GARIN5B: variants seen among roughly 807,000 people sequenced by gnomAD.
GARIN5B encodes the protein golgi associated RAB2 interactor family member 5B, also known as Golgi-associated RAB2 interactor protein 5B.
the GARIN5B span, chr19:55,358,562 T>G: frequency 1.3e-6 from 2 of 1,549,470 alleles, no homozygotes; most frequent in South Asian, 2.4e-5. Flanking sequence ...CCATGGCCGC[T>G]TGCCCTCCTT....
At chr19:55,357,473 G>A in the GARIN5B span, among the ~76,000 whole-genome samples, 1 of 152,216 alleles carries the variant, frequency 6.6e-6, no homozygotes, top group African/African-American at 2.4e-5. Context: ...AGGGACTGCA[G>A]TGGCTGTTCC....
At chr19:55,361,374 A>G in the GARIN5B span, 3 of 1,536,382 alleles carry the variant, frequency 2.0e-6, no homozygotes, top group East Asian at 2.5e-5. Context: ...GACGGGGAGA[A>G]CCCAGAGGTC....
chr19:55,361,430 T>C, the GARIN5B span: 14 of 1,512,776 alleles, frequency 9.3e-6, no homozygotes, highest in Non-Finnish European at 1.2e-5. Context: ...GCTGATGGGC[T>C]GGTCCTGCAG....
the GARIN5B span, chr19:55,361,466 G>A: frequency 1.4e-5 from 21 of 1,466,078 alleles, no homozygotes; most frequent in East Asian, 2.5e-5. Context: ...GGAGGGGCCC[G>A]GGCTTCCACA....
the GARIN5B span, chr19:55,359,857 C>T: frequency 5.2e-6 from 8 of 1,551,396 alleles, no homozygotes; most frequent in African/African-American, 2.7e-5. Context: ...GCCACAGGCA[C>T]GGGTCCAGGG....
At chr19:55,362,252 TGCCAGGTGGAGGCAGGCGCTTCG>T in the GARIN5B span, 2 of 1,533,206 alleles carry the variant, frequency 1.3e-6, no homozygotes, top group Non-Finnish European at 1.8e-6. Flanking sequence ...CACCTGCAGG[TGCCAGGTGGAGGCAGGCGCTTCG>T]GCCAGCGGCA....
At chr19:55,359,545 C>T in the GARIN5B span, 2 of 1,551,398 alleles carry the variant, frequency 1.3e-6, no homozygotes, top group Non-Finnish European at 1.7e-6. Flanking sequence ...CAGCTGGGGC[C>T]TTCTGGGGAG....
chr19:55,363,006 G>A, the GARIN5B span: 1 of 1,488,394 alleles, frequency 6.7e-7, no homozygotes, highest in African/African-American at 1.4e-5. The surrounding 1 kb of genome is among the most constrained non-coding windows in gnomAD (Gnocchi z 4.0). Flanking sequence ...CCCAGAACAG[G>A]GACCCACTTC....
At chr19:55,357,453 C>T in the GARIN5B span, among the ~76,000 whole-genome samples, 1 of 152,224 alleles carries the variant, frequency 6.6e-6, no homozygotes, top group Admixed American at 6.5e-5. Flanking sequence ...ATTACAAACA[C>T]TCCTGCCTCA....
At chr19:55,358,083 G>A in the GARIN5B span, 1 of 1,274,318 alleles carries the variant, frequency 7.8e-7, no homozygotes, top group Non-Finnish European at 1.0e-6. Flanking sequence ...AGGAAAGAGT[G>A]ATCATCTCTG....
the GARIN5B span, chr19:55,359,723 C>T: frequency 6.4e-7 from 1 of 1,551,454 alleles, no homozygotes; most frequent in Non-Finnish European, 8.7e-7. Flanking sequence ...GGCCTTTTCC[C>T]TGCCCCTGGG....
At chr19:55,358,523 TCGC>T in the GARIN5B span, 14 of 31,696 alleles carry the variant, frequency 4.4e-4, no homozygotes, top group Non-Finnish European at 6.2e-4. Context: ...CTCCTTCATC[TCGC>T]CCCATGGCTG....
chr19:55,358,984 G>A, the GARIN5B span: 12 of 1,551,028 alleles, frequency 7.7e-6, no homozygotes, highest in East Asian at 1.2e-4. Context: ...TCACCTCCTT[G>A]GTTTGGCTAA....
chr19:55,357,819 C>T, the GARIN5B span, among the ~76,000 whole-genome samples: 15 of 152,118 alleles, frequency 9.9e-5, no homozygotes, highest in South Asian at 8.3e-4. Flanking sequence ...TTTGGGAGGC[C>T]GAGGCGGGTG....
chr19:55,357,254 C>T, the GARIN5B span, among the ~76,000 whole-genome samples: 1 of 152,188 alleles, frequency 6.6e-6, no homozygotes, highest in Non-Finnish European at 1.5e-5. Flanking sequence ...CTACATCCTC[C>T]ATGCCCCAGC....
the GARIN5B span, chr19:55,358,718 A>G: frequency 6.5e-7 from 1 of 1,550,312 alleles, no homozygotes; most frequent in Non-Finnish European, 8.7e-7. Context: ...GGGAAGTGAG[A>G]CCAAAGCGGA....
the GARIN5B span, chr19:55,360,715 T>C: frequency 6.4e-6 from 10 of 1,551,638 alleles, no homozygotes; most frequent in African/African-American, 1.4e-5. Flanking sequence ...CTGTGTCTGG[T>C]TGGCGGTGCT....
At chr19:55,359,090 C>T in the GARIN5B span, 76 of 1,551,080 alleles carry the variant, frequency 4.9e-5, no homozygotes, top group Non-Finnish European at 4.7e-5. Flanking sequence ...CTCCTGGGTG[C>T]GCACCGTCAC....
At chr19:55,360,958 C>G in the GARIN5B span, 1 of 1,546,206 alleles carries the variant, frequency 6.5e-7, no homozygotes. Flanking sequence ...GGGTCTCCCA[C>G]CTTCTCCCAC....
Sources: gnomAD v4.1 joint callset for allele counts (sites outside exome capture counted in the v4.1 genomes callset) on GRCh38, gnomAD v4.1.1 for gene constraint, Gnocchi (gnomAD v3.1) non-coding constraint, MANE v1.5 for transcripts, NCBI Gene and HGNC (gene_info 2026-07-23, HGNC 2026-07-21) for gene names.